Variants in GGACT observed in about 807,000 individuals in gnomAD.
GGACT encodes the protein gamma-glutamylaminecyclotransferase.
For missense variants in GGACT, 241 were observed against 233.2 expected (o/e 1.03, Z -0.22); for synonymous variants, 118 against 115.3 (o/e 1.02, Z -0.15).
intron 1 of GGACT, 55 bp downstream of exon 1, chr13:100,588,686 G>C (rs1378291783): frequency 6.6e-6 from 1 of 151,596 alleles, no homozygotes; most frequent in East Asian, 1.9e-4. Flanking sequence ...AGGACACCCC[G>C]CCTGGGGGGC....
intron 2 of GGACT, among the ~76,000 whole-genome samples, chr13:100,546,815 C>T (rs1485219198): frequency 6.6e-6 from 1 of 152,248 alleles, no homozygotes; most frequent in Non-Finnish European, 1.5e-5. Context: ...TCGACTGCAC[C>T]TTTTCTTGCT....
At chr13:100,551,056 G>A (rs1286267587) in intron 2 of GGACT, among the ~76,000 whole-genome samples, 2 of 152,092 alleles carry the variant, frequency 1.3e-5, no homozygotes, top group East Asian at 1.9e-4. Context: ...AGGCCGAGGC[G>A]GGTGGATCAT....
In GGACT at chr13:100,553,696, T is replaced by G. The variant is rs1469848040; in HGVS notation, c.-10-21095A>C. 2.6e-5 allele frequency among the ~76,000 whole-genome samples: 4 copies of G among 152,110 alleles called. No homozygotes were observed. The East Asian group carries it at 7.7e-4, about 29-fold the overall frequency. On this transcript the variant is annotated intron_variant, in intron 2 of 2. Coordinates refer to ENST00000683975, the MANE Select transcript of GGACT (RefSeq NM_001195087.2). ...TCATCTCTACTAAAAATACAAAAAT[T>G]AGCTAGGCGTGGTGGTGTGCACCTG... is the stretch of plus-strand genomic sequence containing the variant.
rs923920596 is a variant in GGACT, at chr13:100,530,279, G to A, written c.*1851C>T. ...AACACCCCTGTGCAGCTACGTTTAC[G>A]TCGTCATTTATTCCACAGAGTCAAG... On this transcript the variant is annotated 3_prime_UTR_variant, in exon 3 of 3. Transcript: ENST00000683975. The A allele has an allele frequency of 3.2e-5, 28 of 868,710 alleles. No homozygotes were observed. The highest frequency in any genetic ancestry group is 2.2e-4 in the Middle Eastern group (1 of 4,624). The allele number at this position is 868,710 out of a possible 1,614,324, so 53.8% of individuals were successfully genotyped here.
chr13:100,561,939 A>C (rs2088765284), intron 2 of GGACT, among the ~76,000 whole-genome samples: 1 of 152,220 alleles, frequency 6.6e-6, no homozygotes, highest in South Asian at 2.1e-4. Flanking sequence ...GAAATAAAAC[A>C]AATAGGAAAT....
At chr13:100,572,434 T>A (rs1300146701) in intron 2 of GGACT, among the ~76,000 whole-genome samples, 1 of 152,212 alleles carries the variant, frequency 6.6e-6, no homozygotes, top group Non-Finnish European at 1.5e-5. Context: ...ATATAGAATT[T>A]TAGTTTTAAA....
chr13:100,578,112 T>C (rs1401202166), intron 2 of GGACT, among the ~76,000 whole-genome samples: 2 of 152,180 alleles, frequency 1.3e-5, no homozygotes, highest in African/African-American at 2.4e-5. Context: ...GATAAGGCGA[T>C]ACTGGCATCT....
At chr13:100,584,780 A>C (rs757637666) in intron 1 of GGACT, among the ~76,000 whole-genome samples, 1 of 152,180 alleles carries the variant, frequency 6.6e-6, no homozygotes, top group Non-Finnish European at 1.5e-5. Context: ...GGTACCCACA[A>C]AAATTAACTA....
At chr13:100,585,822 CAAAAAAAAAAAAA>C (rs550006144) in intron 1 of GGACT, among the ~76,000 whole-genome samples, 38 of 29,544 alleles carry the variant, frequency 1.3e-3, no homozygotes, top group South Asian at 3.5e-3. Context: ...CTGTCTCCAC[CAAAAAAAAAAAAA>C]AAAAAAAAAA....
intron 2 of GGACT, among the ~76,000 whole-genome samples, chr13:100,569,485 A>T (rs1355400548): frequency 6.6e-6 from 1 of 152,178 alleles, no homozygotes; most frequent in Non-Finnish European, 1.5e-5. Context: ...AGCAACTGGG[A>T]GGCAGGGGGG....
intron 2 of GGACT, among the ~76,000 whole-genome samples, chr13:100,570,505 T>C (rs1174138807): frequency 6.6e-6 from 1 of 152,176 alleles, no homozygotes; most frequent in Non-Finnish European, 1.5e-5. Context: ...ATGATTCAGT[T>C]ATGTCCACCT....
At chr13:100,564,056 C>T (rs1208417231) in intron 2 of GGACT, among the ~76,000 whole-genome samples, 1 of 152,194 alleles carries the variant, frequency 6.6e-6, no homozygotes, top group African/African-American at 2.4e-5. Flanking sequence ...CTCCCCACGC[C>T]TGTTGAGTTC....
In GGACT at chr13:100,530,530, A is replaced by AGAT. The variant is rs1330675168; in HGVS notation, c.*1597_*1599dup. On this transcript the variant is annotated 3_prime_UTR_variant, in exon 3 of 3. Transcript: ENST00000683975. ...AGCATTTCTTTGTGATCCTTTTAAGAGATTGATATAAATGTCAGTCAGTTC... is the reference window on the plus strand; with the variant it reads ...AGCATTTCTTTGTGATCCTTTTAAGAGATGATTGATATAAATGTCAGTCAGTTC... 41 of 367,450 alleles carry AGAT rather than the reference A, an allele frequency of 1.1e-4. No homozygotes were observed. Among genetic ancestry groups the AGAT allele is most frequent in the African/African-American group, 4.2e-4 (20 of 47,992 alleles). The allele number at this position is 367,450 out of a possible 1,614,324, so 22.8% of individuals were successfully genotyped here.
At chr13:100,535,931 C>T (rs2088485297) in intron 2 of GGACT, 1 of 152,102 alleles carries the variant, frequency 6.6e-6, no homozygotes, top group African/African-American at 2.4e-5. Context: ...AGTCTGGGCT[C>T]TCTGTGTCGC....
chr13:100,569,035 A>G (rs1874997196), intron 2 of GGACT, among the ~76,000 whole-genome samples: 4 of 152,246 alleles, frequency 2.6e-5, no homozygotes, highest in Non-Finnish European at 5.9e-5. Flanking sequence ...CTCCGCCCCT[A>G]TGGCTTTGCA....
chr13:100,572,946 A>G (rs1216014274), intron 2 of GGACT, among the ~76,000 whole-genome samples: 1 of 152,182 alleles, frequency 6.6e-6, no homozygotes, highest in Non-Finnish European at 1.5e-5. Context: ...AGAACTTGAC[A>G]TCTTTTGCTA....
At chr13:100,559,291 G>T (rs570769565) in intron 2 of GGACT, among the ~76,000 whole-genome samples, 1 of 151,768 alleles carries the variant, frequency 6.6e-6, no homozygotes, top group East Asian at 1.9e-4. Flanking sequence ...TGGCTCAAGC[G>T]ATTCTCCTGC....
At chr13:100,559,628 G>A (rs2088741396) in intron 2 of GGACT, among the ~76,000 whole-genome samples, 2 of 152,014 alleles carry the variant, frequency 1.3e-5, no homozygotes, top group South Asian at 4.2e-4. Flanking sequence ...CTGAGTAGCT[G>A]GAATTACAGG....
chr13:100,588,048 T>G (rs1190528307), intron 1 of GGACT, among the ~76,000 whole-genome samples: 1 of 152,132 alleles, frequency 6.6e-6, no homozygotes, highest in Non-Finnish European at 1.5e-5. Flanking sequence ...GGGCCAGAAA[T>G]CGACTGCATT....
Sources: allele counts gnomAD v4.1 joint callset (sites outside exome capture counted in the v4.1 genomes callset), GRCh38; gene constraint gnomAD v4.1.1; transcripts MANE v1.5; gene names NCBI Gene and HGNC (gene_info 2026-07-23, HGNC 2026-07-21).